The following MSL3 variants were observed in gnomAD, a reference collection of about 807,000 sequenced individuals.
The protein encoded by MSL3 is MSL complex subunit 3.
In MSL3, 5 loss-of-function variants were observed where a neutral mutation model predicts 37.2. The observed-to-expected ratio is 0.13, with a 90% CI of 0.07 to 0.28. MSL3 has a LOEUF of 0.28. Among genes scored for constraint, MSL3 ranks in the 10% least tolerant of loss-of-function variants. MSL3 has a pLI of 1.00. For synonymous variants in MSL3, 149 were observed against 147.6 expected (o/e 1.01, Z -0.07); for missense variants, 315 against 408.5 (o/e 0.77, Z 1.97).
chrX:11,770,206 G>T (rs747449926), intron 10 of MSL3, among the ~76,000 whole-genome samples: 1 of 112,092 alleles, frequency 8.9e-6, no homozygotes, highest in Non-Finnish European at 1.9e-5. Context: ...TGAGCATGGG[G>T]CTGGATTTGG....
At chrX:11,771,283 A>C (rs529464972) in intron 10 of MSL3, among the ~76,000 whole-genome samples, 64 of 112,248 alleles carry the variant, frequency 5.7e-4, no homozygotes, top group Middle Eastern at 9.2e-3. Flanking sequence ...TGGTTCTATA[A>C]TTTGCTGAAG....
At chrX:11,766,717 A>G (rs2053186898) in intron 9 of MSL3, 1 of 753,274 alleles carries the variant, frequency 1.3e-6, no homozygotes, top group African/African-American at 2.3e-5. Context: ...GTCCCCCGGC[A>G]CACTGTGTGG....
In MSL3 at chrX:11,758,315, C is replaced by T; in HGVS notation, c.52C>T (p.Leu18=). The T allele has an allele frequency of 5.3e-6, 6 of 1,129,303 alleles. No individual in the cohort carries two copies. Among genetic ancestry groups the T allele is most frequent in the Non-Finnish European group, 7.1e-6 (6 of 850,700 alleles). 93.1% of individuals were successfully genotyped at this position (1,129,303 alleles called of 1,213,427 possible). A position where few individuals can be genotyped will look rare whatever the true frequency, so the allele number is the denominator to read the frequency against. Residue 18 remains leucine (L), a synonymous_variant, in exon 1 of 13, where the codon CTG becomes TTG. Coordinates refer to ENST00000312196, the MANE Select transcript of MSL3 (RefSeq NM_078629.4). ...TAAATTCCACTCAGGGGAGAAAGTG[C>T]TGTGCTTCGAGCCTGACCCCACCAA... is the stretch of plus-strand genomic sequence containing the variant. The part of the protein sequence containing the change: ...KFKFHSGEKV[L]CFEPDPTKAR...
upstream of MSL3, chrX:11,758,216 CG>C: frequency 1.8e-6 from 1 of 554,736 alleles, no homozygotes; most frequent in Non-Finnish European, 2.5e-6. Flanking sequence ...TCCCCCACCG[CG>C]CGCGCTCCGC....
At chrX:11,769,388 A>G (rs757203107) in intron 10 of MSL3, among the ~76,000 whole-genome samples, 2 of 112,425 alleles carry the variant, frequency 1.8e-5, no homozygotes, top group South Asian at 3.7e-4. Context: ...CCTTGCCACC[A>G]GATTTCCACT....
chrX:11,760,127 G>GT (rs111587977), intron 2 of MSL3: 2 of 384,228 alleles, frequency 5.2e-6, no homozygotes, highest in East Asian at 8.5e-5. Flanking sequence ...TTCATTTCCT[G>GT]TTTTTACTTT....
At chrX:11,760,972 G>C (rs754903127) in intron 4 of MSL3, 35 bp downstream of exon 4, 1 of 1,013,504 alleles carries the variant, frequency 9.9e-7, no homozygotes, top group South Asian at 2.2e-5. Flanking sequence ...TTGGCTGAAA[G>C]AACTTCCACC....
In MSL3 at chrX:11,761,552, A is replaced by G; in HGVS notation, c.435A>G (p.Glu145=). 8.4e-7 allele frequency: 1 copy of G among 1,192,965 alleles called. No homozygotes were observed. The highest frequency in any genetic ancestry group is 1.1e-6 in the Non-Finnish European group (1 of 881,250). ...CSENKDEEIS[E]ESDIEEKTEV... ...AAAACAAGGATGAAGAAATAAGTGA[A>G]GAAAGTGATATTGAAGAAAAGACTG... The change falls in exon 5 of 13, where the codon GAA becomes GAG. Residue 145 remains glutamate (E), a synonymous_variant. Transcript: ENST00000312196.
rs954455956 is a variant in MSL3 at position 11,775,432 on chromosome X, AT to A, written c.*362del. ...CTCTTTATTTGTTAGCATTAAACAA[AT>A]TTTTTTTTGCAAATTGGTTTTATTT... On this transcript the variant is annotated 3_prime_UTR_variant, in exon 13 of 13. Transcript: ENST00000312196. 3.9e-4 allele frequency: 53 copies of A among 137,402 alleles called. No homozygotes were observed. The highest frequency in any genetic ancestry group is 4.4e-4 in the Non-Finnish European group (31 of 70,326). The allele number at this position is 137,402 out of a possible 1,213,427, so 11.3% of individuals were successfully genotyped here.
chrX:11,758,488 G>A, intron 1 of MSL3, 123 bp downstream of exon 1: 1 of 983,196 alleles, frequency 1.0e-6, no homozygotes, highest in Non-Finnish European at 1.3e-6. Flanking sequence ...TGCGAGGAGC[G>A]GTGCGGCCGG....
Position 11,775,081 on chromosome X carries a change from ATGT to A in MSL3, c.*8_*10del. 1 of 1,186,386 alleles carries A rather than the reference ATGT, an allele frequency of 8.4e-7. No individual in the cohort carries two copies. Among genetic ancestry groups the A allele is most frequent in the Non-Finnish European group, 1.1e-6 (1 of 873,305 alleles). On this transcript the variant is annotated 3_prime_UTR_variant, in exon 13 of 13. Coordinates refer to ENST00000312196, the MANE Select transcript of MSL3 (RefSeq NM_078629.4). ...AAGAACCCCCGGGCAATTTATTAAA[ATGT>A]TGTTGGTTCTGTAAGAGCAACTGCT... is the stretch of plus-strand genomic sequence containing the variant.
chrX:11,772,325 T>C, intron 11 of MSL3, 70 bp downstream of exon 11: 4 of 905,751 alleles, frequency 4.4e-6, no homozygotes, highest in Non-Finnish European at 6.3e-6. Flanking sequence ...TCTGTACACC[T>C]TGTGGTTTGG....
upstream of MSL3, chrX:11,758,234 C>G: frequency 1.1e-6 from 1 of 924,216 alleles, no homozygotes; most frequent in South Asian, 2.7e-5. Flanking sequence ...CCGCCCGCCC[C>G]GGAGCCTCGC....
At chrX:11,760,203 G>C in intron 2 of MSL3, 200 bp from the exon 3 acceptor site, 1 of 378,322 alleles carries the variant, frequency 2.6e-6, no homozygotes, top group Non-Finnish European at 4.6e-6. Context: ...GATTCTGTCT[G>C]GGTGATTCTG....
At position 11,771,725 on chromosome X, in the gene MSL3, G is replaced by A. The variant is rs113441016; in HGVS notation, c.1282-431G>A. Among the ~76,000 whole-genome samples the A allele has an allele frequency of 5.6e-3, 619 of 111,391 alleles. 7 individuals carry two copies. Among genetic ancestry groups the A allele is most frequent in the African/African-American group, 0.019 (591 of 30,627 alleles). Reference sequence around the variant, plus strand: ...CTCCCAAGTAGCTGGGATTACAGGCGTCCACCACCACACCTGGCTAATTTT... The same window carrying A: ...CTCCCAAGTAGCTGGGATTACAGGCATCCACCACCACACCTGGCTAATTTT... On this transcript the variant is annotated intron_variant, in intron 10 of 12. Coordinates refer to ENST00000312196, the MANE Select transcript of MSL3 (RefSeq NM_078629.4).
chrX:11,765,377 G>A (rs1026533053), intron 8 of MSL3, 90 bp from the exon 9 acceptor site: 89 of 1,066,363 alleles, frequency 8.3e-5, no homozygotes, highest in Non-Finnish European at 1.1e-4. Context: ...CGACCCTCCT[G>A]GAGTAGAGAG....
intron 1 of MSL3, chrX:11,758,805 C>G (rs188405508): frequency 8.7e-7 from 1 of 1,150,877 alleles, no homozygotes; most frequent in African/African-American, 1.8e-5. Flanking sequence ...GCGCTGGCCG[C>G]TGACTTGCGA....
chrX:11,765,246 A>G (rs2053169572), intron 8 of MSL3, among the ~76,000 whole-genome samples: 1 of 112,222 alleles, frequency 8.9e-6, no homozygotes, highest in Admixed American at 9.4e-5. Context: ...TGTCAGGGCA[A>G]CATTGCTCCC....
At chrX:11,763,307 G>T (rs2053149617) in intron 7 of MSL3, among the ~76,000 whole-genome samples, 1 of 112,908 alleles carries the variant, frequency 8.9e-6, no homozygotes, top group African/African-American at 3.2e-5. Context: ...AATGGGCAGT[G>T]AGGATTTCTC....
Sources: gnomAD v4.1 joint callset for allele counts (sites outside exome capture counted in the v4.1 genomes callset) on GRCh38, gnomAD v4.1.1 for gene constraint, MANE v1.5 for transcripts, NCBI Gene and HGNC (gene_info 2026-07-23, HGNC 2026-07-21) for gene names.